The following ATP8B3 variants were observed in gnomAD, a reference collection of about 807,000 sequenced individuals.
The protein encoded by ATP8B3 is ATPase phospholipid transporting 8B3, also known as phospholipid-transporting ATPase IK.
In ATP8B3, 141 loss-of-function variants were observed where a neutral mutation model predicts 140.9. The observed-to-expected ratio is 1.00, with a 90% CI of 0.87 to 1.15. The LOEUF is 1.15. Ranked by LOEUF, ATP8B3 falls within the 50% of genes most tolerant of loss-of-function variation. The pLI, the probability that ATP8B3 is intolerant of heterozygous loss-of-function variation, is 0.00. For missense variants in ATP8B3, 1,874 were observed against 1,740.6 expected, an observed-to-expected ratio of 1.08 and a Z score of -1.36; for synonymous variants, 765 against 714.6, an observed-to-expected ratio of 1.07 and a Z score of -1.13.
Position 1,805,153 on chromosome 19 carries a change from T to A in ATP8B3, c.904+221A>T. 1 of 529,912 alleles carries A rather than the reference T, an allele frequency of 1.9e-6. No homozygotes were observed. Among genetic ancestry groups the A allele is most frequent in the Non-Finnish European group, 3.5e-6 (1 of 288,566 alleles). The allele number at this position is 529,912 out of a possible 1,614,324, so 32.8% of individuals were successfully genotyped here. A position where few individuals can be genotyped will look rare whatever the true frequency, so the allele number is the denominator to read the frequency against. On this transcript the variant is annotated intron_variant, in intron 10 of 28. Coordinates refer to ENST00000310127, the MANE Select transcript of ATP8B3 (RefSeq NM_138813.4). This position sits in a 1 kb window ranked among gnomAD's most constrained non-coding sequence, Gnocchi z 5.2. ...ACCACGCCCAGCTACTTGTTTTATT[T>A]TTGTAGAGATGGGGTCTCGTTATGT...
chr19:1,805,152 T>A lies in ATP8B3; in HGVS notation c.904+222A>T, dbSNP rs2068971177. 2 of 527,474 alleles carry A rather than the reference T, an allele frequency of 3.8e-6. No homozygotes were observed. 32.7% of individuals were successfully genotyped at this position (527,474 alleles called of 1,614,324 possible). ...CACCACGCCCAGCTACTTGTTTTAT[T>A]TTTGTAGAGATGGGGTCTCGTTATG... On this transcript the variant is annotated intron_variant, in intron 10 of 28. Transcript: ENST00000310127. The surrounding 1 kb of genome is among the most constrained non-coding windows in gnomAD (Gnocchi z 5.2).
At position 1,800,704 on chromosome 19, in the gene ATP8B3, A is replaced by G. The variant is rs987186540; in HGVS notation, c.1153-255T>C. The stretch of plus-strand genomic sequence containing the variant: ...GTCAGGCATGGTGGCGCACACCTGT[A>G]GTCTCAGCTGCTCAGAAGGCTGAGG... On this transcript the variant is annotated intron_variant, in intron 12 of 28. Coordinates refer to ENST00000310127, the MANE Select transcript of ATP8B3 (RefSeq NM_138813.4). The surrounding 1 kb of genome is among the most constrained non-coding windows in gnomAD (Gnocchi z 4.4). 4.6e-5 allele frequency among the ~76,000 whole-genome samples: 7 copies of G among 152,280 alleles called. No individual in the cohort carries two copies. Among genetic ancestry groups the G allele is most frequent in the Middle Eastern group, 3.4e-3 (1 of 294 alleles).
rs772385485 is a variant in ATP8B3, at chr19:1,795,846, CAT to C, written c.2055+27_2055+28del. The C allele has an allele frequency of 3.5e-4, 426 of 1,233,376 alleles. 7 individuals carry two copies. The African/African-American group carries it at 5.0e-3, about 14-fold the overall frequency. The allele number at this position is 1,233,376 out of a possible 1,614,324, so 76.4% of individuals were successfully genotyped here. A position where few individuals can be genotyped will look rare whatever the true frequency, so the allele number is the denominator to read the frequency against. On this transcript the variant is annotated intron_variant, in intron 18 of 28. Coordinates refer to ENST00000310127, the MANE Select transcript of ATP8B3 (RefSeq NM_138813.4). ...ACACACACACACACACACACACACA[CAT>C]AAGCCAGCCTTCCTGAAGGGACTCA...
Position 1,782,355 on chromosome 19 carries a change from G to T in ATP8B3, c.*673C>A. 1 of 286,686 alleles carries T rather than the reference G, an allele frequency of 3.5e-6. No homozygotes were observed. 17.8% of individuals were successfully genotyped at this position (286,686 alleles called of 1,614,324 possible). On this transcript the variant is annotated 3_prime_UTR_variant, in exon 29 of 29. Transcript: ENST00000310127. ...GACTGCTCCTCTGGGGGCAAGGATA[G>T]CTGCTCCTCCCCGGGCACCAGCAGC...
intron 20 of ATP8B3, 139 bp from the exon 21 acceptor site, chr19:1,790,971 A>C (rs905193923): frequency 1.5e-5 from 11 of 722,928 alleles, no homozygotes; most frequent in Non-Finnish European, 2.3e-5. Context: ...TGATTGGTTC[A>C]GAGAAGGGCT....
chr19:1,795,246 C>G (rs2068629739), intron 18 of ATP8B3, among the ~76,000 whole-genome samples: 1 of 151,694 alleles, frequency 6.6e-6, no homozygotes, highest in African/African-American at 2.4e-5. Context: ...CAGTGCAAGA[C>G]TCCCTCTCAA....
Position 1,802,063 on chromosome 19 carries a change from C to G in ATP8B3, c.1064-19G>C. 6.4e-7 allele frequency: 1 copy of G among 1,556,148 alleles called. No individual in the cohort carries two copies. The highest frequency in any genetic ancestry group is 1.2e-5 in the South Asian group (1 of 84,892). ...TCAAAACCTACAAACATGTATCCAT[C>G]TATCCACCCACCCACCCACCCATCC... On this transcript the variant is annotated intron_variant, in intron 11 of 28. Coordinates refer to ENST00000310127, the MANE Select transcript of ATP8B3 (RefSeq NM_138813.4).
At chr19:1,810,163 A>C (rs1405350151) in intron 3 of ATP8B3, among the ~76,000 whole-genome samples, 1 of 152,248 alleles carries the variant, frequency 6.6e-6, no homozygotes, top group East Asian at 1.9e-4. Flanking sequence ...CCCAGTCAGT[A>C]CTAGGGTTGG....
chr19:1,800,314 A>G lies in ATP8B3; in HGVS notation c.1288T>C (p.Phe430Leu). 6.2e-7 allele frequency: 1 copy of G among 1,612,942 alleles called. No homozygotes were observed. The highest frequency in any genetic ancestry group is 1.3e-5 in the African/African-American group (1 of 75,034). Residue 430 changes from phenylalanine to leucine, a missense_variant, in exon 13 of 29, where the codon TTC (phenylalanine) becomes CTC (leucine). Physicochemically the swap from Phe to Leu is conservative, Grantham distance 22 (BLOSUM62 0). Around this residue, in one of 3 missense-constraint regions of ATP8B3, gnomAD observed 1,032 missense variants for 963.6 expected, o/e 1.07. Coordinates refer to ENST00000310127, the MANE Select transcript of ATP8B3 (RefSeq NM_138813.4). The surrounding 1 kb of genome is among the most constrained non-coding windows in gnomAD (Gnocchi z 4.4). Reference protein sequence around the residue: ...SSVAAESFFVFWSFLILLSVT... With the variant: ...SSVAAESFFVLWSFLILLSVT... ...CTGAGCAGGATGAGGAAGCTCCAGA[A>G]GACGAAGAAGGACTCTGCGGCCACG...
chr19:1,801,447 A>T (rs2145197513), intron 12 of ATP8B3, among the ~76,000 whole-genome samples: 1 of 152,294 alleles, frequency 6.6e-6, no homozygotes, highest in East Asian at 1.9e-4. Context: ...CATCTCACCC[A>T]GCCTAAAAAT....
Position 1,788,355 on chromosome 19 carries a change from G to C in ATP8B3, c.3069+542C>G, listed in dbSNP as rs536835581. On this transcript the variant is annotated intron_variant, in intron 24 of 28. Coordinates refer to ENST00000310127, the MANE Select transcript of ATP8B3 (RefSeq NM_138813.4). ...CCATGTGCAGTGCCTGCCCTTGCTT[G>C]AAAGCTCTGAGTGTGCCGGGCACGG... Among the ~76,000 whole-genome samples, 140 of 152,220 alleles carry C rather than the reference G, an allele frequency of 9.2e-4. 1 individual carries two copies. The highest frequency in any genetic ancestry group is 3.3e-3 in the African/African-American group (136 of 41,552).
At position 1,788,788 on chromosome 19, in the gene ATP8B3, C is replaced by G. The variant is rs775702421; in HGVS notation, c.3069+109G>C. The G allele has an allele frequency of 1.5e-5, 16 of 1,094,522 alleles. No individual in the cohort carries two copies. In the African/African-American group the frequency reaches 1.6e-4, roughly 11 times the overall value. 67.8% of individuals were successfully genotyped at this position (1,094,522 alleles called of 1,614,324 possible). On this transcript the variant is annotated intron_variant, in intron 24 of 28. Coordinates refer to ENST00000310127, the MANE Select transcript of ATP8B3 (RefSeq NM_138813.4). ...GTGGCCTCAGGCAAGCCCTGTCCACCGAGGATCCCAGGGTTCTCAGTGCGT... is the reference window on the plus strand; with the variant it reads ...GTGGCCTCAGGCAAGCCCTGTCCACGGAGGATCCCAGGGTTCTCAGTGCGT...
At position 1,806,310 on chromosome 19, in the gene ATP8B3, C is replaced by T. The variant is rs1194122687; in HGVS notation, c.678-141G>A. On this transcript the variant is annotated intron_variant, in intron 7 of 28. Coordinates refer to ENST00000310127, the MANE Select transcript of ATP8B3 (RefSeq NM_138813.4). The surrounding 1 kb of genome is among the most constrained non-coding windows in gnomAD (Gnocchi z 5.6). Reference sequence around the variant, plus strand: ...CTTTGCCCCCTCAGGAAGCCTTCCCCGGGCTCCCACCCCACTCCCCGCGGG... The same window carrying T: ...CTTTGCCCCCTCAGGAAGCCTTCCCTGGGCTCCCACCCCACTCCCCGCGGG... 4.1e-6 allele frequency: 6 copies of T among 1,480,976 alleles called. No homozygotes were observed. The highest frequency in any genetic ancestry group is 4.9e-5 in the East Asian group (2 of 40,432). 91.7% of individuals were successfully genotyped at this position (1,480,976 alleles called of 1,614,324 possible).
chr19:1,806,173 C>T lies in ATP8B3; in HGVS notation c.678-4G>A, dbSNP rs191432839. 498 of 1,586,934 alleles carry T rather than the reference C, an allele frequency of 3.1e-4. No individual in the cohort carries two copies. Among genetic ancestry groups the T allele is most frequent in the African/African-American group, 3.1e-3 (228 of 74,164 alleles). On this transcript the variant is annotated splice_region_variant and splice_polypyrimidine_tract_variant and intron_variant, in intron 7 of 28. Coordinates refer to ENST00000310127, the MANE Select transcript of ATP8B3 (RefSeq NM_138813.4). This position sits in a 1 kb window ranked among gnomAD's most constrained non-coding sequence, Gnocchi z 5.6. ...CTGCCATTTCTTCTGCTTGAAGCTG[C>T]GGGGAGAGGGGGTTGTGAAGGAGGC...
At position 1,793,365 on chromosome 19, in the gene ATP8B3, C is replaced by T. The variant is rs76357977; in HGVS notation, c.2056-1230G>A. ...CAAGCTGCACACCTGAGCCTCAAAA[C>T]GCTGAGATTACAGGCAGAAGCCACC... On this transcript the variant is annotated intron_variant, in intron 18 of 28. Coordinates refer to ENST00000310127, the MANE Select transcript of ATP8B3 (RefSeq NM_138813.4). Among the ~76,000 whole-genome samples the T allele has an allele frequency of 3.5e-3, 535 of 152,292 alleles. 5 individuals carry two copies. Among genetic ancestry groups the T allele is most frequent in the African/African-American group, 0.012 (498 of 41,572 alleles).
chr19:1,792,341 A>G (rs1217559347), intron 18 of ATP8B3, among the ~76,000 whole-genome samples: 1 of 152,182 alleles, frequency 6.6e-6, no homozygotes, highest in Non-Finnish European at 1.5e-5. Flanking sequence ...GCACTTTGGG[A>G]GGCTGAGGCA....
At position 1,788,958 on chromosome 19, in the gene ATP8B3, T is replaced by C. The variant is rs1485615265; in HGVS notation, c.3008A>G (p.Lys1003Arg). 3.7e-6 allele frequency: 6 copies of C among 1,609,354 alleles called. No individual in the cohort carries two copies. In the African/African-American group the frequency reaches 5.3e-5, roughly 14 times the overall value. The change falls in exon 24 of 29, where the codon AAG becomes AGG. Residue 1003 changes from lysine to arginine, a missense_variant. By Grantham distance (26) the Lys-to-Arg change is conservative. Coordinates refer to ENST00000310127, the MANE Select transcript of ATP8B3 (RefSeq NM_138813.4). Reference sequence around the variant, plus strand: ...CTGCACCATCATGCTGGCCATGCTCTTGTAGAAGAAGTAGCGCAGGAACTT... The same window carrying C: ...CTGCACCATCATGCTGGCCATGCTCCTGTAGAAGAAGTAGCGCAGGAACTT... Reference protein sequence around the residue: ...ICKFLRYFFYKSMASMMVQVW... With the variant: ...ICKFLRYFFYRSMASMMVQVW...
chr19:1,794,576 T>C lies in ATP8B3; in HGVS notation c.2055+1299A>G, dbSNP rs1006950382. Among the ~76,000 whole-genome samples, 7 of 152,062 alleles carry C rather than the reference T, an allele frequency of 4.6e-5. No individual in the cohort carries two copies. Among genetic ancestry groups the C allele is most frequent in the Non-Finnish European group, 1.0e-4 (7 of 67,960 alleles). On this transcript the variant is annotated intron_variant, in intron 18 of 28. Transcript: ENST00000310127. The surrounding 1 kb of genome is among the most constrained non-coding windows in gnomAD (Gnocchi z 4.8). ...ACCAGGGGGAGGCAGCCTGGGGTGATGACAGCCCCATGTTGGCAGGGGGTG... is the reference window on the plus strand; with the variant it reads ...ACCAGGGGGAGGCAGCCTGGGGTGACGACAGCCCCATGTTGGCAGGGGGTG...
chr19:1,799,862 G>T (rs1158748257), intron 14 of ATP8B3, 85 bp downstream of exon 14: 3 of 1,330,556 alleles, frequency 2.3e-6, no homozygotes, highest in South Asian at 1.3e-5. Flanking sequence ...CTGGGCATGG[G>T]GCCAGACGTG....
Sources: gnomAD v4.1 joint callset for allele counts (sites outside exome capture counted in the v4.1 genomes callset) on GRCh38, gnomAD v4.1.1 for gene constraint, gnomAD v4.1.1 regional missense constraint, Gnocchi (gnomAD v3.1) non-coding constraint, MANE v1.5 for transcripts, NCBI Gene and HGNC (gene_info 2026-07-23, HGNC 2026-07-21) for gene names.